The following GABRR1 variants were observed in gnomAD, a reference collection of about 807,000 sequenced individuals.
GABRR1 encodes the protein gamma-aminobutyric acid type A receptor subunit rho1, also known as gamma-aminobutyric acid receptor subunit rho-1.
A neutral mutation model predicts 55.5 loss-of-function variants in GABRR1; 59 were observed. The ratio of observed to expected loss-of-function variants is 1.06; its 90% CI spans 0.86 to 1.32. GABRR1 has a LOEUF of 1.32. GABRR1 is among the 40% of genes most tolerant of loss of function. GABRR1 has a pLI of 0.00. For synonymous variants in GABRR1, 213 were observed against 226.0 expected, an observed-to-expected ratio of 0.94 and a Z score of 0.51; for missense variants, 602 against 619.1, an observed-to-expected ratio of 0.97 and a Z score of 0.29.
At chr6:89,224,339 G>A (rs2127812038) in intron 1 of GABRR1, among the ~76,000 whole-genome samples, 1 of 152,280 alleles carries the variant, frequency 6.6e-6, no homozygotes, top group South Asian at 2.1e-4. Flanking sequence ...TGATCTGCCT[G>A]CCTTGGCCTC....
intron 1 of GABRR1, among the ~76,000 whole-genome samples, chr6:89,216,021 A>C (rs6902106): frequency 0.32 from 48,758 of 152,054 alleles, 8,644 homozygotes; most frequent in African/African-American, 0.47. Flanking sequence ...GGCTGCACCA[A>C]TCCACAAGTT....
chr6:89,196,415 G>A (rs1265675342), intron 5 of GABRR1, among the ~76,000 whole-genome samples: 1 of 152,022 alleles, frequency 6.6e-6, no homozygotes, highest in African/African-American at 2.4e-5. Flanking sequence ...CTGTAGCCTT[G>A]GTGGTGCCAT....
At chr6:89,194,907 C>T (rs532458083) in intron 5 of GABRR1, among the ~76,000 whole-genome samples, 1 of 152,052 alleles carries the variant, frequency 6.6e-6, no homozygotes, top group South Asian at 2.1e-4. Flanking sequence ...CTCAAAGGAC[C>T]AAATCTAAGA....
intron 1 of GABRR1, chr6:89,211,984 T>C (rs1250733788): frequency 2.3e-5 from 5 of 219,570 alleles, no homozygotes; most frequent in Non-Finnish European, 3.9e-5. Context: ...AATCTAATTC[T>C]CTAGGCCCAG....
chr6:89,225,205 T>G (rs1773179864), intron 1 of GABRR1, among the ~76,000 whole-genome samples: 1 of 152,096 alleles, frequency 6.6e-6, no homozygotes. Context: ...TTGCCAATTA[T>G]CCCAGCACCA....
At chr6:89,198,359 G>A (rs1355190037) in intron 4 of GABRR1, 116 bp from the exon 5 acceptor site, 7 of 749,094 alleles carry the variant, frequency 9.3e-6, no homozygotes, top group Non-Finnish European at 1.6e-5. Flanking sequence ...AACCAAGAGA[G>A]GTTTTGCTTC....
chr6:89,193,221 C>T (rs1442146106), intron 5 of GABRR1, among the ~76,000 whole-genome samples: 1 of 152,194 alleles, frequency 6.6e-6, no homozygotes, highest in Non-Finnish European at 1.5e-5. Flanking sequence ...CCACAGGCCA[C>T]CGTGGCACCC....
upstream of GABRR1, among the ~76,000 whole-genome samples, chr6:89,222,089 G>A (rs749449700): frequency 1.5e-4 from 23 of 152,124 alleles, no homozygotes; most frequent in Non-Finnish European, 3.1e-4. Flanking sequence ...GACATGAAAA[G>A]CAAGCAATTT....
chr6:89,191,377 C>A (rs1772081013), intron 5 of GABRR1, among the ~76,000 whole-genome samples: 1 of 152,198 alleles, frequency 6.6e-6, no homozygotes. Context: ...CATAACAATG[C>A]CCAATGGCAT....
At chr6:89,207,530 G>A (rs1024690525) in intron 1 of GABRR1, among the ~76,000 whole-genome samples, 1 of 152,116 alleles carries the variant, frequency 6.6e-6, no homozygotes, top group African/African-American at 2.4e-5. Flanking sequence ...TTATGATAAG[G>A]CTGAGATTCT....
intron 8 of GABRR1, among the ~76,000 whole-genome samples, chr6:89,181,349 T>C (rs939014356): frequency 6.6e-6 from 1 of 152,118 alleles, no homozygotes; most frequent in African/African-American, 2.4e-5. Flanking sequence ...GTATAATATT[T>C]AAGGTGAGAA....
intron 6 of GABRR1, among the ~76,000 whole-genome samples, chr6:89,187,125 G>A (rs538332288): frequency 2.0e-5 from 3 of 152,242 alleles, no homozygotes; most frequent in Admixed American, 6.5e-5. Context: ...GGAGAATGGA[G>A]CGGACATGTA....
chr6:89,197,956 CA>C, intron 5 of GABRR1, 63 bp downstream of exon 5: 1 of 1,474,738 alleles, frequency 6.8e-7, no homozygotes, highest in Non-Finnish European at 9.5e-7. Context: ...GCCAAAAACC[CA>C]AATTGCTGTT....
Position 89,201,220 on chromosome 6 carries a change from T to G in GABRR1, c.219A>C (p.Thr73=). 2 of 1,614,164 alleles carry G rather than the reference T, an allele frequency of 1.2e-6. No individual in the cohort carries two copies. The highest frequency in any genetic ancestry group is 1.7e-6 in the Non-Finnish European group (2 of 1,180,008). The change falls in exon 3 of 10, where the codon ACA becomes ACC. Residue 73 remains threonine (T), a synonymous_variant. Transcript: ENST00000454853. The part of the protein sequence containing the change: ...RSPDITKSPL[T]KSEQLLRIDD... The stretch of plus-strand genomic sequence containing the variant: ...CTATCCTCAGAAGCTGTTCTGACTT[T>G]GTCAGAGGCGATTTGGTGATGTCAG...
intron 6 of GABRR1, among the ~76,000 whole-genome samples, chr6:89,188,034 G>A (rs1298429459): frequency 1.4e-5 from 2 of 146,482 alleles, no homozygotes; most frequent in Admixed American, 1.4e-4. Flanking sequence ...TTTTTTTTTA[G>A]ACATGGGGGT....
chr6:89,209,176 TC>T (rs201547510), intron 1 of GABRR1, among the ~76,000 whole-genome samples: 2,000 of 152,180 alleles, frequency 0.013, 47 homozygotes, highest in African/African-American at 0.044. Flanking sequence ...GCCTAGATCA[TC>T]CCTTTTTTTT....
chr6:89,225,016 C>T (rs1214785940), intron 1 of GABRR1, among the ~76,000 whole-genome samples: 2 of 152,118 alleles, frequency 1.3e-5, no homozygotes, highest in African/African-American at 2.4e-5. Context: ...CTCCTGACCT[C>T]GTGATCCACC....
At position 89,211,946 on chromosome 6, in the gene GABRR1, C is replaced by A. The variant is rs537101387; in HGVS notation, c.122+5255G>T. On this transcript the variant is annotated intron_variant, in intron 1 of 9. Transcript: ENST00000454853. ...CACATGCTGTCTCTGGCCACCTCAT[C>A]CATTGCCACCTATGGGGACTCCCTT... 1.1e-4 allele frequency among the ~76,000 whole-genome samples: 17 copies of A among 152,318 alleles called. No homozygotes were observed. In the South Asian group the frequency reaches 3.3e-3, roughly 30 times the overall value.
chr6:89,215,636 T>C (rs1468584941), intron 1 of GABRR1, among the ~76,000 whole-genome samples: 2 of 152,146 alleles, frequency 1.3e-5, no homozygotes, highest in Non-Finnish European at 2.9e-5. Context: ...TTAAAAATAG[T>C]GTATTATATA....
Sources: allele counts gnomAD v4.1 joint callset (sites outside exome capture counted in the v4.1 genomes callset), GRCh38; gene constraint gnomAD v4.1.1; transcripts MANE v1.5; gene names NCBI Gene and HGNC (gene_info 2026-07-23, HGNC 2026-07-21).